The following DNASE2B variants were observed in gnomAD, a reference collection of about 807,000 sequenced individuals.
DNASE2B encodes deoxyribonuclease 2 beta, also known as deoxyribonuclease-2-beta.
Under a neutral mutation model 46.0 loss-of-function variants are expected in DNASE2B, and 43 were observed. The observed-to-expected ratio is 0.94, with a 90% CI of 0.73 to 1.21. DNASE2B has a LOEUF of 1.21. Among genes scored for constraint, DNASE2B ranks in the 50% most tolerant of loss-of-function variants. The pLI is 0.00. For missense variants in DNASE2B, 395 were observed against 414.4 expected (o/e 0.95, Z 0.41); for synonymous variants, 156 against 152.5 (o/e 1.02, Z -0.17).
chr1:84,402,065 C>T lies in DNASE2B; in HGVS notation c.290C>T (p.Ala97Val). Residue 97 changes from alanine (A) to valine (V), a missense_variant, in exon 2 of 6, where the codon GCA becomes GTA. Ala to Val is a moderately conservative substitution (Grantham distance 64). Transcript: ENST00000370665. ...AGGACATTACAACAGCTATATGAAG[C>T]ATATGCCTCTAAGGTATGTTATATA... ...LGRTLQQLYE[A>V]YASKSNNTAY... 2 of 1,604,346 alleles carry T rather than the reference C, an allele frequency of 1.2e-6. No homozygotes were observed. Among genetic ancestry groups the T allele is most frequent in the Non-Finnish European group, 1.7e-6 (2 of 1,177,078 alleles).
At chr1:84,401,340 C>T (rs1196897201) in intron 1 of DNASE2B, among the ~76,000 whole-genome samples, 1 of 152,156 alleles carries the variant, frequency 6.6e-6, no homozygotes, top group East Asian at 1.9e-4. Flanking sequence ...GCTGTCTTGG[C>T]TGAGCTACCT....
intron 3 of DNASE2B, among the ~76,000 whole-genome samples, chr1:84,408,770 G>A (rs1377372907): frequency 1.3e-5 from 2 of 151,230 alleles, no homozygotes; most frequent in Admixed American, 1.3e-4. Flanking sequence ...TGCAGCAGCA[G>A]GAATCCAGGT....
intron 4 of DNASE2B, among the ~76,000 whole-genome samples, chr1:84,411,708 G>A (rs1038441380): frequency 3.9e-5 from 6 of 152,084 alleles, no homozygotes; most frequent in Non-Finnish European, 7.3e-5. Context: ...AAATAGTAGT[G>A]AAAAGCAACT....
At chr1:84,398,927 G>A (rs775341405) in intron 1 of DNASE2B, among the ~76,000 whole-genome samples, 1 of 152,226 alleles carries the variant, frequency 6.6e-6, no homozygotes, top group Admixed American at 6.5e-5. Context: ...TGTTCTCAGC[G>A]GGGCAAGGCT....
At chr1:84,407,922 G>A (rs1398538368) in intron 2 of DNASE2B, among the ~76,000 whole-genome samples, 1 of 152,106 alleles carries the variant, frequency 6.6e-6, no homozygotes, top group Non-Finnish European at 1.5e-5. Flanking sequence ...AGGGAGAGCA[G>A]ATAATGAGGG....
chr1:84,402,899 C>T (rs1680445218), intron 2 of DNASE2B, among the ~76,000 whole-genome samples: 1 of 152,196 alleles, frequency 6.6e-6, no homozygotes, highest in South Asian at 2.1e-4. Context: ...TGGGCCTTTA[C>T]ATATGTCAAG....
At chr1:84,402,202 G>T in intron 2 of DNASE2B, 124 bp downstream of exon 2, 1 of 876,378 alleles carries the variant, frequency 1.1e-6, no homozygotes, top group Non-Finnish European at 1.7e-6. Context: ...AAGTGAGCTA[G>T]CTCAGGACCA....
intron 2 of DNASE2B, among the ~76,000 whole-genome samples, chr1:84,407,631 C>A (rs1256193418): frequency 6.6e-6 from 1 of 151,858 alleles, no homozygotes; most frequent in African/African-American, 2.4e-5. Flanking sequence ...ACATTATTGG[C>A]TTCAATTAAA....
chr1:84,405,678 A>G (rs1455930952), intron 2 of DNASE2B, among the ~76,000 whole-genome samples: 4 of 152,238 alleles, frequency 2.6e-5, no homozygotes, highest in Non-Finnish European at 4.4e-5. Flanking sequence ...TATGCAATTT[A>G]CTGGAGAGAA....
intron 3 of DNASE2B, 67 bp downstream of exon 3, chr1:84,408,585 G>A: frequency 7.1e-7 from 1 of 1,406,852 alleles, no homozygotes; most frequent in Non-Finnish European, 9.8e-7. Flanking sequence ...ATTTCATCTT[G>A]AGTATCCTTA....
At chr1:84,401,647 G>C (rs1680421585) in intron 1 of DNASE2B, among the ~76,000 whole-genome samples, 1 of 152,210 alleles carries the variant, frequency 6.6e-6, no homozygotes, top group Admixed American at 6.5e-5. Flanking sequence ...CAATGTATAT[G>C]GACTTCCACT....
rs549406038 is a variant in DNASE2B, at chr1:84,401,911, T to C, written c.136T>C (p.Tyr46His). The C allele has an allele frequency of 3.8e-5, 57 of 1,511,830 alleles. No individual in the cohort carries two copies. The highest frequency in any genetic ancestry group is 4.3e-5 in the Non-Finnish European group (49 of 1,136,214). 93.7% of individuals were successfully genotyped at this position (1,511,830 alleles called of 1,614,324 possible). A position where few individuals can be genotyped will look rare whatever the true frequency, so the allele number is the denominator to read the frequency against. ...CATTTTGTCTGTTAGGTTTACTTTT[T>C]ATAAGTTACCTAAAAGACAAAACAA... ...EGKAVDWFTF[Y>H]KLPKRQNKES... Residue 46 changes from tyrosine (Y) to histidine (H), a missense_variant, in exon 2 of 6, where the codon TAT becomes CAT. By Grantham distance (83) the Tyr-to-His change is moderately conservative. Coordinates refer to ENST00000370665, the MANE Select transcript of DNASE2B (RefSeq NM_021233.3).
intron 1 of DNASE2B, among the ~76,000 whole-genome samples, chr1:84,398,972 C>G (rs952301057): frequency 1.3e-5 from 2 of 152,230 alleles, no homozygotes; most frequent in Non-Finnish European, 2.9e-5. Flanking sequence ...CTGACAGCTT[C>G]TGTGAGCTGG....
intron 2 of DNASE2B, among the ~76,000 whole-genome samples, chr1:84,405,584 T>C (rs1331252221): frequency 2.0e-5 from 3 of 152,208 alleles, no homozygotes. Flanking sequence ...GTATAGGTCC[T>C]ACGGTTTTAT....
At chr1:84,403,221 C>T (rs531133242) in intron 2 of DNASE2B, among the ~76,000 whole-genome samples, 3 of 152,234 alleles carry the variant, frequency 2.0e-5, no homozygotes, top group African/African-American at 7.2e-5. Context: ...GCCCTCATGC[C>T]GTCAAAAATT....
intron 4 of DNASE2B, among the ~76,000 whole-genome samples, chr1:84,412,047 TTAA>T (rs1487042893): frequency 6.6e-6 from 1 of 152,214 alleles, no homozygotes; most frequent in East Asian, 1.9e-4. Context: ...AAATTCTCAG[TTAA>T]TTCATCTATA....
At position 84,398,733 on chromosome 1, in the gene DNASE2B, G is replaced by A. The variant is rs755673290; in HGVS notation, c.125+44G>A. The A allele has an allele frequency of 4.2e-5, 67 of 1,606,810 alleles. No homozygotes were observed. In the African/African-American group the frequency reaches 5.5e-4, roughly 13 times the overall value. On this transcript the variant is annotated intron_variant, in intron 1 of 5. Coordinates refer to ENST00000370665, the MANE Select transcript of DNASE2B (RefSeq NM_021233.3). ...AGGACTGCTGCATGCAAACAGCCTCGGTACAGAGTTGGCCTGGCTCACTGC... is the reference window on the plus strand; with the variant it reads ...AGGACTGCTGCATGCAAACAGCCTCAGTACAGAGTTGGCCTGGCTCACTGC...
At chr1:84,404,486 T>C (rs570639818) in intron 2 of DNASE2B, among the ~76,000 whole-genome samples, 39 of 152,352 alleles carry the variant, frequency 2.6e-4, no homozygotes, top group African/African-American at 8.9e-4. Flanking sequence ...TCATGTGTTC[T>C]ATCATGTGTT....
intron 3 of DNASE2B, among the ~76,000 whole-genome samples, chr1:84,410,005 A>G (rs1355164593): frequency 6.6e-6 from 1 of 151,570 alleles, no homozygotes; most frequent in Non-Finnish European, 1.5e-5. Flanking sequence ...AGGCACTTTG[A>G]AAAAAAAATA....
Sources: allele counts gnomAD v4.1 joint callset (sites outside exome capture counted in the v4.1 genomes callset), GRCh38; gene constraint gnomAD v4.1.1; transcripts MANE v1.5; gene names NCBI Gene and HGNC (gene_info 2026-07-23, HGNC 2026-07-21).